Variants in SHC4 observed in about 807,000 individuals in gnomAD.
The protein encoded by SHC4 is SHC-transforming protein 4.
In SHC4, 41 loss-of-function variants were observed where a neutral mutation model predicts 69.4. The ratio of observed to expected loss-of-function variants is 0.59; its 90% CI spans 0.46 to 0.77. The LOEUF (loss-of-function observed/expected upper bound fraction) is 0.77, where lower values mean the gene tolerates loss of function less well. Ranked by LOEUF, SHC4 falls within the 30% of genes least tolerant of loss-of-function variation. The pLI, the probability that SHC4 is intolerant of heterozygous loss-of-function variation, is 0.00. For synonymous variants in SHC4, 318 were observed against 299.3 expected (o/e 1.06, Z -0.64); for missense variants, 777 against 783.8 (o/e 0.99, Z 0.10).
In SHC4 at chr15:48,843,519, T is replaced by C; in HGVS notation, c.1373A>G (p.Asp458Gly). 6.2e-7 allele frequency: 1 copy of C among 1,614,164 alleles called. No individual in the cohort carries two copies. Among genetic ancestry groups the C allele is most frequent in the Non-Finnish European group, 8.5e-7 (1 of 1,180,006 alleles). Residue 458 changes from aspartate to glycine, a missense_variant, in exon 10 of 12, where the codon GAT (aspartate) becomes GGT (glycine). Physicochemically the swap from Asp to Gly is moderately conservative, Grantham distance 94. Transcript: ENST00000332408. ...TSLLKHTCRVDLFDDPCYINT... is the reference protein window; with the variant it reads ...TSLLKHTCRVGLFDDPCYINT... ...AATGTAGCAGGGGTCATCAAAGAGA[T>C]CCACTCGGCACGTGTGCTTCAATAA...
chr15:48,852,663 A>G (rs1899237307), intron 8 of SHC4, among the ~76,000 whole-genome samples: 1 of 152,126 alleles, frequency 6.6e-6, no homozygotes, highest in Admixed American at 6.6e-5. Context: ...GCAATTTTGG[A>G]GGCCAAGGTG....
intron 6 of SHC4, among the ~76,000 whole-genome samples, chr15:48,860,861 T>C (rs1285973682): frequency 1.3e-5 from 2 of 152,262 alleles, no homozygotes; most frequent in Non-Finnish European, 2.9e-5. Flanking sequence ...TGAGTCATCT[T>C]TGAAGTCTTT....
At chr15:48,943,753 A>T (rs572499368) in intron 1 of SHC4, among the ~76,000 whole-genome samples, 36 of 151,872 alleles carry the variant, frequency 2.4e-4, no homozygotes, top group African/African-American at 8.4e-4. Flanking sequence ...CCACACCTTC[A>T]CTTATTGTCT....
Position 48,959,079 on chromosome 15 carries a change from A to C in SHC4, c.585+3352T>G, listed in dbSNP as rs139016006. ...AATGAAGAACCATTTTTTAAAAAGAATATTTAACCCAAAGTCAACTCTAGC... is the reference window on the plus strand; with the variant it reads ...AATGAAGAACCATTTTTTAAAAAGACTATTTAACCCAAAGTCAACTCTAGC... On this transcript the variant is annotated intron_variant, in intron 1 of 11. Transcript: ENST00000332408. Among the ~76,000 whole-genome samples the C allele has an allele frequency of 3.0e-3, 461 of 152,344 alleles. 2 individuals are homozygous for C. The highest frequency in any genetic ancestry group is 0.01 in the African/African-American group (435 of 41,574).
intron 8 of SHC4, among the ~76,000 whole-genome samples, chr15:48,851,463 C>T (rs903108327): frequency 4.6e-5 from 7 of 152,092 alleles, no homozygotes; most frequent in Non-Finnish European, 5.9e-5. Context: ...GGTTCTGATT[C>T]GGCTGGGGGG....
chr15:48,871,242 T>C (rs1899671364), intron 5 of SHC4, among the ~76,000 whole-genome samples: 1 of 152,228 alleles, frequency 6.6e-6, no homozygotes, highest in South Asian at 2.1e-4. Flanking sequence ...TCCCCCTGCT[T>C]TCTTGACATG....
At chr15:48,832,629 CTCT>C (rs776561589) in intron 11 of SHC4, among the ~76,000 whole-genome samples, 4 of 152,166 alleles carry the variant, frequency 2.6e-5, no homozygotes, top group East Asian at 1.9e-4. Context: ...CCCCCTTTCC[CTCT>C]TCTTCTTCTC....
At chr15:48,896,135 A>G (rs952709584) in intron 2 of SHC4, among the ~76,000 whole-genome samples, 8 of 152,182 alleles carry the variant, frequency 5.3e-5, no homozygotes, top group African/African-American at 1.9e-4. Flanking sequence ...CTCTAAGATG[A>G]GCCATGCCTC....
chr15:48,855,778 G>C (rs556973675), intron 8 of SHC4, among the ~76,000 whole-genome samples, 175 bp downstream of exon 8: 1 of 152,066 alleles, frequency 6.6e-6, no homozygotes, highest in Non-Finnish European at 1.5e-5. Context: ...ACAATTGGGG[G>C]ATTAGGAGTA....
intron 2 of SHC4, among the ~76,000 whole-genome samples, chr15:48,917,904 G>C (rs1900658811): frequency 6.6e-6 from 1 of 152,208 alleles, no homozygotes; most frequent in Non-Finnish European, 1.5e-5. Context: ...TTCAAAGGCT[G>C]ACTCTTAATC....
At chr15:48,831,765 C>T (rs1032273205) in intron 11 of SHC4, among the ~76,000 whole-genome samples, 1 of 152,198 alleles carries the variant, frequency 6.6e-6, no homozygotes, top group African/African-American at 2.4e-5. Flanking sequence ...GTTATTTACA[C>T]ACTGCCATTA....
intron 6 of SHC4, among the ~76,000 whole-genome samples, chr15:48,863,691 C>T (rs528408597): frequency 6.6e-6 from 1 of 152,254 alleles, no homozygotes; most frequent in African/African-American, 2.4e-5. Flanking sequence ...TACTCGAAAC[C>T]ACATTTTATC....
intron 6 of SHC4, among the ~76,000 whole-genome samples, chr15:48,862,298 A>G (rs986192731): frequency 6.6e-5 from 10 of 152,142 alleles, no homozygotes; most frequent in African/African-American, 2.4e-4. Context: ...ATTCAGGGAA[A>G]ATATTAAAAC....
At chr15:48,961,881 A>G (rs542114041) in intron 1 of SHC4, among the ~76,000 whole-genome samples, 4 of 152,224 alleles carry the variant, frequency 2.6e-5, no homozygotes, top group African/African-American at 4.8e-5. Context: ...TGTGCACCGG[A>G]GAGCTAAGAC....
intron 10 of SHC4, among the ~76,000 whole-genome samples, chr15:48,836,410 A>T (rs1898899136): frequency 6.6e-6 from 1 of 152,182 alleles, no homozygotes; most frequent in African/African-American, 2.4e-5. Flanking sequence ...GGCTAATCTT[A>T]CTTGGGGTAG....
Position 48,880,985 on chromosome 15 carries a change from AGTGTGTGTGTGTGTGTGTGTGTGT to A in SHC4, c.840+3239_840+3262del, listed in dbSNP as rs10523567. On this transcript the variant is annotated intron_variant, in intron 4 of 11. Transcript: ENST00000332408. ...AGGACTAAATGATGATGTGTGTGAGAGTGTGTGTGTGTGTGTGTGTGTGTGTGTGTGTGTGTGTCTTCATTTAAG... is the reference window on the plus strand; with the variant it reads ...AGGACTAAATGATGATGTGTGTGAGAGTGTGTGTGTGTGTCTTCATTTAAG... Among the ~76,000 whole-genome samples the A allele has an allele frequency of 6.8e-5, 10 of 146,082 alleles. No individual in the cohort carries two copies. In the East Asian group the frequency reaches 1.0e-3, roughly 15 times the overall value.
intron 1 of SHC4, among the ~76,000 whole-genome samples, chr15:48,960,110 G>C (rs1447837076): frequency 6.6e-6 from 1 of 152,194 alleles, no homozygotes; most frequent in Non-Finnish European, 1.5e-5. Flanking sequence ...GGTTCATTTG[G>C]GTCGTGGGGT....
At chr15:48,917,855 C>G (rs571853577) in intron 2 of SHC4, among the ~76,000 whole-genome samples, 1 of 152,326 alleles carries the variant, frequency 6.6e-6, no homozygotes, top group East Asian at 1.9e-4. Context: ...AGAAAGGTCC[C>G]TCTAAAGAAA....
At chr15:48,898,985 T>C (rs2141010500) in intron 2 of SHC4, among the ~76,000 whole-genome samples, 1 of 152,056 alleles carries the variant, frequency 6.6e-6, no homozygotes, top group Non-Finnish European at 1.5e-5. Flanking sequence ...GGTGTGTCTT[T>C]TGGAGTTAAA....
Sources: gnomAD v4.1 joint callset for allele counts (sites outside exome capture counted in the v4.1 genomes callset) on GRCh38, gnomAD v4.1.1 for gene constraint, MANE v1.5 for transcripts, NCBI Gene and HGNC (gene_info 2026-07-23, HGNC 2026-07-21) for gene names.